The following PTK2B variants were observed in gnomAD, a reference collection of about 807,000 sequenced individuals.
PTK2B encodes protein tyrosine kinase 2 beta.
In PTK2B, 71 loss-of-function variants were observed where a neutral mutation model predicts 142.9. The ratio of observed to expected loss-of-function variants is 0.50; its 90% CI spans 0.41 to 0.61. The LOEUF (loss-of-function observed/expected upper bound fraction) is 0.61, where lower values mean the gene tolerates loss of function less well. PTK2B is among the 20% of genes least tolerant of loss of function. The probability of loss-of-function intolerance (pLI) is 0.00; values close to 1 mark genes in which losing one functional copy is unlikely to be tolerated. For synonymous variants in PTK2B, 519 were observed against 503.4 expected, an observed-to-expected ratio of 1.03 and a Z score of -0.42; for missense variants, 1,105 against 1,320.4, an observed-to-expected ratio of 0.84 and a Z score of 2.53.
At chr8:27,379,506 G>T (rs1033326520) in intron 1 of PTK2B, among the ~76,000 whole-genome samples, 1 of 152,182 alleles carries the variant, frequency 6.6e-6, no homozygotes, top group African/African-American at 2.4e-5. Flanking sequence ...AGGATTACAG[G>T]CGTGAGCCAC....
At chr8:27,456,138 A>G (rs551082744) in intron 30 of PTK2B, among the ~76,000 whole-genome samples, 1 of 152,282 alleles carries the variant, frequency 6.6e-6, no homozygotes, top group East Asian at 1.9e-4. Flanking sequence ...CATCTACTTC[A>G]TTTGTAAATA....
intron 1 of PTK2B, among the ~76,000 whole-genome samples, chr8:27,388,476 T>C (rs1807509093): frequency 6.6e-6 from 1 of 152,248 alleles, no homozygotes; most frequent in Admixed American, 6.5e-5. Context: ...ATGCACCTTG[T>C]ACATTGTTGT....
chr8:27,370,122 T>G (rs1806261590), intron 1 of PTK2B, among the ~76,000 whole-genome samples: 1 of 152,254 alleles, frequency 6.6e-6, no homozygotes, highest in African/African-American at 2.4e-5. Context: ...CATAACACTC[T>G]GTGCAGTTTT....
chr8:27,434,030 CA>C (rs1810611583), intron 11 of PTK2B, 62 bp from the exon 12 acceptor site: 1 of 1,556,252 alleles, frequency 6.4e-7, no homozygotes, highest in Non-Finnish European at 8.9e-7. Flanking sequence ...GTGAGGAGGT[CA>C]GTCACCCATC....
rs1805823411 is a variant in PTK2B, at chr8:27,363,273, A to G, written c.-37-34275A>G. Among the ~76,000 whole-genome samples, 1 of 152,092 alleles carries G rather than the reference A, an allele frequency of 6.6e-6. No individual in the cohort carries two copies. ...ACGTCTCGTGAGAAGTGTTTGGAGG[A>G]ACTGAGGCAGGTCCAGGGAAGGCCT... On this transcript the variant is annotated intron_variant, in intron 1 of 30. Coordinates refer to ENST00000346049, the MANE Select transcript of PTK2B (RefSeq NM_173176.3). This position sits in a 1 kb window ranked among gnomAD's most constrained non-coding sequence, Gnocchi z 4.3.
intron 20 of PTK2B, among the ~76,000 whole-genome samples, chr8:27,440,015 G>T (rs538346633): frequency 1.6e-4 from 25 of 152,282 alleles, no homozygotes; most frequent in African/African-American, 5.8e-4. Context: ...GCAGCACCCT[G>T]ACAGGGGTCT....
intron 1 of PTK2B, among the ~76,000 whole-genome samples, chr8:27,390,945 TG>T (rs771601442): frequency 4.2e-4 from 64 of 152,210 alleles, no homozygotes; most frequent in Non-Finnish European, 6.8e-4. Flanking sequence ...CCCAGTTGTA[TG>T]GCTTACCAGC....
At chr8:27,315,537 C>G (rs901720818) in intron 3 of PTK2B, among the ~76,000 whole-genome samples, 2 of 152,150 alleles carry the variant, frequency 1.3e-5, no homozygotes, top group African/African-American at 2.4e-5. Context: ...ACTGTGTTCT[C>G]TTATCTCTGT....
rs1812025683 is a variant in PTK2B, at chr8:27,454,511, C to G, written c.2734-20C>G. On this transcript the variant is annotated intron_variant, in intron 29 of 30. Coordinates refer to ENST00000346049, the MANE Select transcript of PTK2B (RefSeq NM_173176.3). ...CCAATAGCTAGGAGTGGCGGCCATC[C>G]TGCCCCTTTCTCCCCCCAGAATGTG... 3 of 1,611,802 alleles carry G rather than the reference C, an allele frequency of 1.9e-6. No homozygotes were observed. The Admixed American group carries it at 5.0e-5, about 27-fold the overall frequency.
In PTK2B at chr8:27,432,322, C is replaced by A. The variant is rs1337284814; in HGVS notation, c.948C>A (p.Gly316=). ...TCAGGTGCCTCCCGCTGGAGGAGGG[C>A]CAGGCAGTACTTCAGCTGGGCATTG... ...RSIRCLPLEE[G]QAVLQLGIEG... is the part of the protein sequence containing the mutation. The change falls in exon 10 of 31, where the codon GGC becomes GGA. Residue 316 remains glycine (G), a synonymous_variant. Coordinates refer to ENST00000346049, the MANE Select transcript of PTK2B (RefSeq NM_173176.3). 3 of 1,614,012 alleles carry A rather than the reference C, an allele frequency of 1.9e-6. No homozygotes were observed. In the Admixed American group the frequency reaches 5.0e-5, roughly 27 times the overall value.
rs189132726 is a variant in PTK2B, at chr8:27,389,428, G to C, written c.-37-8120G>C. ...ACTAAGAGAAGAATGGAGCCCAGAA[G>C]TCAAATAGGAGATAAGAAAAATCTG... On this transcript the variant is annotated intron_variant, in intron 1 of 30. Transcript: ENST00000346049. Among the ~76,000 whole-genome samples the C allele has an allele frequency of 2.0e-3, 299 of 152,348 alleles. 1 individual carries two copies. The highest frequency in any genetic ancestry group is 3.7e-3 in the Non-Finnish European group (251 of 68,030).
intron 2 of PTK2B, 80 bp from the exon 3 acceptor site, chr8:27,419,815 C>A: frequency 1.4e-6 from 2 of 1,478,242 alleles, no homozygotes; most frequent in South Asian, 2.4e-5. Context: ...TAGAGAATCC[C>A]ACTTTTCAGG....
intron 1 of PTK2B, among the ~76,000 whole-genome samples, chr8:27,367,568 G>T (rs1806094577): frequency 6.6e-6 from 1 of 152,200 alleles, no homozygotes; most frequent in African/African-American, 2.4e-5. Context: ...GTCCTTTCAG[G>T]GTTTGTATCA....
chr8:27,321,750 C>A (rs762928181), upstream of PTK2B, among the ~76,000 whole-genome samples: 4 of 152,138 alleles, frequency 2.6e-5, no homozygotes, highest in Non-Finnish European at 5.9e-5. Context: ...GGAAATGTAG[C>A]CTTCATTTTG....
intron 12 of PTK2B, 75 bp downstream of exon 12, chr8:27,434,207 G>C (rs1478381837): frequency 6.5e-7 from 1 of 1,539,312 alleles, no homozygotes; most frequent in Non-Finnish European, 8.9e-7. Context: ...AATAAACTGG[G>C]AGTCCCCACC....
At chr8:27,422,749 T>C (rs866284447) in intron 5 of PTK2B, among the ~76,000 whole-genome samples, 3 of 152,236 alleles carry the variant, frequency 2.0e-5, no homozygotes, top group Non-Finnish European at 2.9e-5. Context: ...GAGATGTCTA[T>C]CTGTGTTGCC....
At position 27,434,526 on chromosome 8, in the gene PTK2B, C is replaced by A. The variant is rs762908114; in HGVS notation, c.1159C>A (p.Arg387=). Residue 387 remains arginine, a synonymous_variant, in exon 13 of 31, where the codon CGG becomes AGG. Coordinates refer to ENST00000346049, the MANE Select transcript of PTK2B (RefSeq NM_173176.3). ...PQIPMLNLEA[R]RSHLSESCSI... ...CACCTCCTACAGAAACCTGGAGGCC[C>A]GGCGGTCCCACCTCTCAGAGAGCTG... The A allele has an allele frequency of 6.2e-7, 1 of 1,608,858 alleles. No individual in the cohort carries two copies. The highest frequency in any genetic ancestry group is 2.2e-5 in the East Asian group (1 of 44,698).
At chr8:27,419,604 A>T (rs149414136) in intron 2 of PTK2B, among the ~76,000 whole-genome samples, 3 of 152,258 alleles carry the variant, frequency 2.0e-5, no homozygotes, top group Non-Finnish European at 4.4e-5. Flanking sequence ...AATTGGTTAG[A>T]TTGTAATGAG....
At chr8:27,321,003 TTTTTTTG>T, upstream of PTK2B, among the ~76,000 whole-genome samples, 1 of 134,270 alleles carries the variant, frequency 7.4e-6, no homozygotes, top group African/African-American at 2.8e-5. Context: ...TTTTTTTTTT[TTTTTTTG>T]AGACAGGGTG....
Sources: gnomAD v4.1 joint callset for allele counts (sites outside exome capture counted in the v4.1 genomes callset) on GRCh38, gnomAD v4.1.1 for gene constraint, Gnocchi (gnomAD v3.1) non-coding constraint, MANE v1.5 for transcripts, NCBI Gene and HGNC (gene_info 2026-07-23, HGNC 2026-07-21) for gene names.